Variants in STOX2 observed in about 807,000 individuals in gnomAD.
The protein encoded by STOX2 is storkhead-box protein 2.
Under a neutral mutation model 60.9 loss-of-function variants are expected in STOX2, and 28 were observed. The ratio of observed to expected loss-of-function variants is 0.46; its 90% CI spans 0.34 to 0.63. The LOEUF (loss-of-function observed/expected upper bound fraction) is 0.63, where lower values mean the gene tolerates loss of function less well. STOX2 is among the 30% of genes least tolerant of loss of function. STOX2 has a pLI of 0.01. For missense variants in STOX2, 1,024 were observed against 1,187.7 expected, an observed-to-expected ratio of 0.86 and a Z score of 2.03; for synonymous variants, 472 against 463.9, an observed-to-expected ratio of 1.02 and a Z score of -0.22.
intron 1 of STOX2, among the ~76,000 whole-genome samples, chr4:183,989,167 T>TG (rs1266493891): frequency 9.5e-6 from 1 of 105,306 alleles, no homozygotes; most frequent in East Asian, 2.7e-4. Flanking sequence ...ACATTTTTTC[T>TG]GGTTTTTTTT....
chr4:183,983,971 C>T (rs1275387240), intron 1 of STOX2, among the ~76,000 whole-genome samples: 1 of 152,146 alleles, frequency 6.6e-6, no homozygotes, highest in Non-Finnish European at 1.5e-5. Flanking sequence ...GGCCACCCCT[C>T]TTGCCTTCTC....
chr4:183,988,218 T>C (rs1319453608), intron 1 of STOX2: 1 of 152,016 alleles, frequency 6.6e-6, no homozygotes, highest in African/African-American at 2.4e-5. Context: ...CAAAGGATTC[T>C]GGGCAGGGCA....
At chr4:183,919,926 T>C (rs1742049848) in intron 1 of STOX2, among the ~76,000 whole-genome samples, 1 of 152,104 alleles carries the variant, frequency 6.6e-6, no homozygotes, top group African/African-American at 2.4e-5. Flanking sequence ...TTATTGAGCA[T>C]GTACTTGGTG....
At chr4:183,921,357 G>A (rs1022843914) in intron 1 of STOX2, among the ~76,000 whole-genome samples, 3 of 152,166 alleles carry the variant, frequency 2.0e-5, no homozygotes, top group African/African-American at 7.2e-5. Flanking sequence ...TAAAAATTGG[G>A]TAAACCAACT....
chr4:184,001,266 G>A lies in STOX2; in HGVS notation c.167-59G>A, dbSNP rs1733579752. ...GCCAGATGGACGCGTGAAGGCGTGTGTCTGACAGATGACCGGGTCTTTTAA... is the reference window on the plus strand; with the variant it reads ...GCCAGATGGACGCGTGAAGGCGTGTATCTGACAGATGACCGGGTCTTTTAA... On this transcript the variant is annotated intron_variant, in intron 1 of 3. Coordinates refer to ENST00000308497, the MANE Select transcript of STOX2 (RefSeq NM_020225.3). This position sits in a 1 kb window ranked among gnomAD's most constrained non-coding sequence, Gnocchi z 4.2. 6.3e-7 allele frequency: 1 copy of A among 1,575,022 alleles called. No homozygotes were observed. The highest frequency in any genetic ancestry group is 8.7e-7 in the Non-Finnish European group (1 of 1,148,620).
At chr4:183,801,390 A>G (rs1424361267) in intron 1 of STOX2, among the ~76,000 whole-genome samples, 1 of 152,238 alleles carries the variant, frequency 6.6e-6, no homozygotes, top group Non-Finnish European at 1.5e-5. Context: ...ATTAAAGCCC[A>G]TACATGTTTA....
chr4:183,924,986 TGTAGCGGTCTATAATCTGA>T (rs1742200920), intron 1 of STOX2, among the ~76,000 whole-genome samples: 1 of 152,200 alleles, frequency 6.6e-6, no homozygotes, highest in African/African-American at 2.4e-5. Flanking sequence ...GATTTTTACA[TGTAGCGGTCTATAATCTGA>T]GTGCAAAAGT....
chr4:183,819,784 AAGG>A (rs1225611397), intron 1 of STOX2, among the ~76,000 whole-genome samples: 1 of 152,204 alleles, frequency 6.6e-6, no homozygotes, highest in Non-Finnish European at 1.5e-5. Context: ...ACTAAATCAC[AAGG>A]AGGAGAATAA....
At chr4:183,809,016 C>T (rs971404244) in intron 1 of STOX2, among the ~76,000 whole-genome samples, 10 of 152,128 alleles carry the variant, frequency 6.6e-5, no homozygotes, top group East Asian at 1.9e-4. Flanking sequence ...TTCATCTGTA[C>T]GCATTGTAAA....
At position 183,906,600 on chromosome 4, in the gene STOX2, T is replaced by C; in HGVS notation, c.-191T>C. ...TGGGACGTGTGTAAAATCGGAGCCT[T>C]CGCCGTGGGGGTGTGGGGGGGCGTG... On this transcript the variant is annotated 5_prime_UTR_variant, in exon 1 of 4. Coordinates refer to ENST00000308497, the MANE Select transcript of STOX2 (RefSeq NM_020225.3). The C allele has an allele frequency of 1.7e-6, 1 of 577,984 alleles. No individual in the cohort carries two copies. The highest frequency in any genetic ancestry group is 2.3e-5 in the South Asian group (1 of 43,726). The allele number at this position is 577,984 out of a possible 1,614,324, so 35.8% of individuals were successfully genotyped here.
intron 2 of STOX2, among the ~76,000 whole-genome samples, chr4:184,008,398 C>T (rs982710853): frequency 1.2e-4 from 19 of 152,162 alleles, no homozygotes; most frequent in African/African-American, 4.6e-4. Context: ...CTATTCTAGC[C>T]AATATGGGAA....
chr4:183,912,648 T>C (rs1020719589), intron 1 of STOX2, among the ~76,000 whole-genome samples: 2 of 152,188 alleles, frequency 1.3e-5, no homozygotes, highest in Non-Finnish European at 2.9e-5. Flanking sequence ...AGCAACACGG[T>C]CACATTGTGC....
At chr4:183,883,891 G>A (rs972254029) in intron 1 of STOX2, among the ~76,000 whole-genome samples, 5 of 148,652 alleles carry the variant, frequency 3.4e-5, no homozygotes, top group African/African-American at 7.4e-5. Context: ...TTGCTCCATC[G>A]CCCAGGCTAG....
At chr4:183,917,150 T>C (rs1452988059) in intron 1 of STOX2, among the ~76,000 whole-genome samples, 1 of 152,224 alleles carries the variant, frequency 6.6e-6, no homozygotes, top group Non-Finnish European at 1.5e-5. Flanking sequence ...GGACACATGG[T>C]CTTGCTGGCA....
intron 1 of STOX2, among the ~76,000 whole-genome samples, chr4:183,922,425 C>T (rs1742128173): frequency 6.6e-6 from 1 of 151,322 alleles, no homozygotes. Context: ...TGGCTCACTG[C>T]AACCTCCACC....
Position 184,021,395 on chromosome 4 carries a change from A to C in STOX2, c.*4111A>C, listed in dbSNP as rs1734586680. The C allele has an allele frequency of 1.3e-5, 2 of 152,184 alleles. No individual in the cohort carries two copies. Among genetic ancestry groups the C allele is most frequent in the African/African-American group, 4.8e-5 (2 of 41,432 alleles). The allele number at this position is 152,184 out of a possible 1,614,324, so 9.4% of individuals were successfully genotyped here. A position where few individuals can be genotyped will look rare whatever the true frequency, so the allele number is the denominator to read the frequency against. ...AATGCTATTTTTCTGATGTGTGCTA[A>C]TAAAGTCAAAGAAAACAAATACATC... On this transcript the variant is annotated 3_prime_UTR_variant, in exon 4 of 4. Coordinates refer to ENST00000308497, the MANE Select transcript of STOX2 (RefSeq NM_020225.3).
chr4:183,977,977 C>G (rs1732507469), intron 1 of STOX2, among the ~76,000 whole-genome samples: 1 of 152,112 alleles, frequency 6.6e-6, no homozygotes, highest in African/African-American at 2.4e-5. Flanking sequence ...TATTTGAGTT[C>G]CTTGTAGATT....
chr4:183,868,334 G>T (rs1740618521), intron 1 of STOX2, among the ~76,000 whole-genome samples: 1 of 152,176 alleles, frequency 6.6e-6, no homozygotes, highest in Non-Finnish European at 1.5e-5. Flanking sequence ...GCCGAGGAGG[G>T]AGGATTGCTT....
At chr4:183,952,479 A>C (rs1180369455) in intron 1 of STOX2, among the ~76,000 whole-genome samples, 1 of 152,270 alleles carries the variant, frequency 6.6e-6, no homozygotes, top group Non-Finnish European at 1.5e-5. Context: ...TAGTTAGGGG[A>C]GTTTCCTATT....
Sources: allele counts gnomAD v4.1 joint callset (sites outside exome capture counted in the v4.1 genomes callset), GRCh38; gene constraint gnomAD v4.1.1; non-coding constraint Gnocchi (gnomAD v3.1); transcripts MANE v1.5; gene names NCBI Gene and HGNC (gene_info 2026-07-23, HGNC 2026-07-21).